Variants in NASP observed in about 807,000 individuals in gnomAD.
NASP encodes nuclear autoantigenic sperm protein.
A neutral mutation model predicts 89.5 loss-of-function variants in NASP; 24 were observed. That is an observed-to-expected ratio of 0.27 (90% CI 0.19 to 0.38). The LOEUF (loss-of-function observed/expected upper bound fraction) is 0.38. NASP is among the 10% of genes least tolerant of loss of function. The pLI, the probability that NASP is intolerant of heterozygous loss-of-function variation, is 1.00. For missense variants in NASP, 848 were observed against 921.4 expected (o/e 0.92, Z 1.03); for synonymous variants, 306 against 324.7 (o/e 0.94, Z 0.62).
At position 45,616,608 on chromosome 1, in the gene NASP, A is replaced by G. The variant is rs748640761; in HGVS notation, c.2080-18A>G. The G allele has an allele frequency of 6.2e-7, 1 of 1,611,234 alleles. No homozygotes were observed. ...TCATATAGCTTGTACAATTGCTAATAAGGGCTTATTTTGCCAGATTGCCAG... is the reference window on the plus strand; with the variant it reads ...TCATATAGCTTGTACAATTGCTAATGAGGGCTTATTTTGCCAGATTGCCAG... On this transcript the variant is annotated intron_variant, in intron 12 of 14. Coordinates refer to ENST00000350030, the MANE Select transcript of NASP (RefSeq NM_002482.4).
intron 1 of NASP, among the ~76,000 whole-genome samples, chr1:45,589,394 G>A (rs546016717): frequency 2.6e-5 from 4 of 151,952 alleles, no homozygotes; most frequent in Non-Finnish European, 5.9e-5. Flanking sequence ...CAAAGTGTTG[G>A]GATTACAGGA....
chr1:45,594,518 T>C (rs1247524861), intron 2 of NASP, among the ~76,000 whole-genome samples: 1 of 152,140 alleles, frequency 6.6e-6, no homozygotes, highest in Admixed American at 6.5e-5. Flanking sequence ...GTGCTTGATA[T>C]GTAATCATCA....
At chr1:45,591,182 C>G in intron 1 of NASP, 41 bp from the exon 2 acceptor site, 1 of 1,238,740 alleles carries the variant, frequency 8.1e-7, no homozygotes, top group Non-Finnish European at 1.1e-6. Context: ...TAATAATTGC[C>G]TCCAGTTTTA....
At chr1:45,598,118 GCT>G (rs1043840160) in intron 2 of NASP, among the ~76,000 whole-genome samples, 2 of 150,860 alleles carry the variant, frequency 1.3e-5, no homozygotes, top group East Asian at 3.9e-4. Context: ...TCATTTCTCA[GCT>G]CTCTGAGTTA....
chr1:45,614,870 T>C (rs927222410), intron 9 of NASP, 143 bp from the exon 10 acceptor site: 8 of 759,374 alleles, frequency 1.1e-5, no homozygotes, highest in Non-Finnish European at 1.7e-5. Flanking sequence ...TTGACTTTCT[T>C]TATAGCCAAG....
chr1:45,593,383 A>T (rs1486047225), intron 2 of NASP, among the ~76,000 whole-genome samples: 1 of 151,754 alleles, frequency 6.6e-6, no homozygotes, highest in African/African-American at 2.4e-5. Context: ...AAATACAAAA[A>T]TTAGTTGAGC....
At chr1:45,614,884 C>G in intron 9 of NASP, 129 bp from the exon 10 acceptor site, 1 of 825,740 alleles carries the variant, frequency 1.2e-6, no homozygotes, top group Non-Finnish European at 1.9e-6. Context: ...AGCCAAGGGT[C>G]CTGGAAATAA....
intron 2 of NASP, among the ~76,000 whole-genome samples, chr1:45,591,664 C>T (rs930978873): frequency 3.3e-5 from 5 of 152,126 alleles, no homozygotes; most frequent in Non-Finnish European, 7.4e-5. Flanking sequence ...CACCTCCTCC[C>T]CCTGTAACGT....
intron 4 of NASP, 143 bp downstream of exon 4, chr1:45,605,159 C>A: frequency 1.5e-6 from 1 of 674,912 alleles, no homozygotes; most frequent in African/African-American, 1.8e-5. Flanking sequence ...GTGAATGGCA[C>A]TTGATACAAT....
chr1:45,617,649 G>A (rs539588182), intron 14 of NASP, 58 bp downstream of exon 14: 4 of 1,519,216 alleles, frequency 2.6e-6, no homozygotes, highest in Admixed American at 4.6e-5. Context: ...AGGACCTGGG[G>A]AAATCAGTCC....
At chr1:45,613,492 T>C (rs1644052595) in intron 7 of NASP, among the ~76,000 whole-genome samples, 1 of 152,122 alleles carries the variant, frequency 6.6e-6, no homozygotes, top group Non-Finnish European at 1.5e-5. Context: ...ACGATTATTA[T>C]TTTTTTAAGA....
Position 45,615,596 on chromosome 1 carries a change from A to G in NASP, c.2022+125A>G, listed in dbSNP as rs367832809. ...TTGGTGGGCTCATCTAATTATTCCT[A>G]TCAAGTAATGCAGTGGTTAAGAGGA... On this transcript the variant is annotated intron_variant, in intron 11 of 14. Coordinates refer to ENST00000350030, the MANE Select transcript of NASP (RefSeq NM_002482.4). 1.6e-5 allele frequency: 14 copies of G among 882,628 alleles called. No individual in the cohort carries two copies. In the African/African-American group the frequency reaches 2.2e-4, roughly 14 times the overall value. 54.7% of individuals were successfully genotyped at this position (882,628 alleles called of 1,614,324 possible).
chr1:45,596,960 G>T (rs533367115), intron 2 of NASP, among the ~76,000 whole-genome samples: 77 of 151,834 alleles, frequency 5.1e-4, no homozygotes, highest in Non-Finnish European at 9.1e-4. Flanking sequence ...TCCAGCCTGG[G>T]CAATAGAGTG....
chr1:45,612,168 T>G (rs1288072313), intron 6 of NASP: 2 of 152,150 alleles, frequency 1.3e-5, no homozygotes, highest in Non-Finnish European at 2.9e-5. Context: ...TCACCGCGCC[T>G]GACCCTGTTA....
At chr1:45,601,833 C>A (rs1262189206) in intron 2 of NASP, among the ~76,000 whole-genome samples, 14 of 131,610 alleles carry the variant, frequency 1.1e-4, no homozygotes, top group Non-Finnish European at 1.7e-4. Context: ...CAGCTCACTG[C>A]AAGCTCCGCC....
chr1:45,618,797 T>G lies in NASP; in HGVS notation c.*656T>G, dbSNP rs1301438054. 2.0e-5 allele frequency: 3 copies of G among 152,052 alleles called. No individual in the cohort carries two copies. The highest frequency in any genetic ancestry group is 4.4e-5 in the Non-Finnish European group (3 of 68,024). 9.4% of individuals were successfully genotyped at this position (152,052 alleles called of 1,614,324 possible). On this transcript the variant is annotated 3_prime_UTR_variant, in exon 15 of 15. Coordinates refer to ENST00000350030, the MANE Select transcript of NASP (RefSeq NM_002482.4). Reference sequence around the variant, plus strand: ...TATGTGGGGAGGCTGGCTGGTTGAGTTTTGTTATTTTCTGTATAGAAAGGT... The same window carrying G: ...TATGTGGGGAGGCTGGCTGGTTGAGGTTTGTTATTTTCTGTATAGAAAGGT...
Position 45,618,191 on chromosome 1 carries a change from A to G in NASP, c.*50A>G, listed in dbSNP as rs1447458003. 7.0e-7 allele frequency: 1 copy of G among 1,425,580 alleles called. No individual in the cohort carries two copies. The highest frequency in any genetic ancestry group is 1.4e-5 in the African/African-American group (1 of 70,268). The allele number at this position is 1,425,580 out of a possible 1,614,324, so 88.3% of individuals were successfully genotyped here. Reference sequence around the variant, plus strand: ...GGGAAAGTGTTTTTGTATATAATGTATTTTTTCACTTTTGGAGGATTCTTT... The same window carrying G: ...GGGAAAGTGTTTTTGTATATAATGTGTTTTTTCACTTTTGGAGGATTCTTT... On this transcript the variant is annotated 3_prime_UTR_variant, in exon 15 of 15. Transcript: ENST00000350030.
rs1164374375 is a variant in NASP at position 45,594,029 on chromosome 1, C to CA, written c.107+2769dup. 2.3e-3 allele frequency among the ~76,000 whole-genome samples: 321 copies of CA among 139,492 alleles called. 6 individuals are homozygous for CA. The highest frequency in any genetic ancestry group is 3.1e-3 in the African/African-American group (117 of 37,912). The allele number at this position is 139,492 out of a possible 152,430, so 91.5% of individuals were successfully genotyped here. On this transcript the variant is annotated intron_variant, in intron 2 of 14. Transcript: ENST00000350030. ...GGGTGACAGAGTGAGACCCTGTCTC[C>CA]AAAAAAAAAAGGAAAGAAACAAAAT...
chr1:45,584,896 C>T (rs1055828877), intron 1 of NASP, among the ~76,000 whole-genome samples: 1 of 152,224 alleles, frequency 6.6e-6, no homozygotes, highest in Admixed American at 6.5e-5. Context: ...ATAGTTATCG[C>T]TCCCCGCGAC....
Sources: gnomAD v4.1 joint callset for allele counts (sites outside exome capture counted in the v4.1 genomes callset) on GRCh38, gnomAD v4.1.1 for gene constraint, MANE v1.5 for transcripts, NCBI Gene and HGNC (gene_info 2026-07-23, HGNC 2026-07-21) for gene names.